UGGT2: variants seen among roughly 807,000 people sequenced by gnomAD.
The protein encoded by UGGT2 is UDP-glucose glycoprotein glucosyltransferase 2.
Under a neutral mutation model 192.1 loss-of-function variants are expected in UGGT2, and 180 were observed. That is an observed-to-expected ratio of 0.94 (90% confidence interval 0.83 to 1.06). UGGT2 has a LOEUF of 1.06. Ranked by LOEUF, UGGT2 falls within the 50% of genes least tolerant of loss-of-function variation. The pLI is 0.00. For missense variants in UGGT2, 1,849 were observed against 1,795.7 expected (o/e 1.03, Z -0.54); for synonymous variants, 580 against 591.0 (o/e 0.98, Z 0.27).
chr13:95,995,621 T>C (rs2051593709), intron 7 of UGGT2, among the ~76,000 whole-genome samples: 1 of 151,806 alleles, frequency 6.6e-6, no homozygotes, highest in Non-Finnish European at 1.5e-5. Context: ...AAAAAAAAAA[T>C]TAAATGAAAA....
In UGGT2 at chr13:95,877,346, CT is replaced by C; in HGVS notation, c.3405del (p.Ala1136GlnfsTer8). 1 of 1,604,766 alleles carries C rather than the reference CT, an allele frequency of 6.2e-7. No individual in the cohort carries two copies. The highest frequency in any genetic ancestry group is 8.5e-7 in the Non-Finnish European group (1 of 1,177,014). On this transcript the variant is annotated frameshift_variant, in exon 29 of 39. Transcript: ENST00000376747. LOFTEE classifies it high-confidence loss of function. ...VMAHHGYFQLKANPGAWILRL... is the reference protein window; with the variant it reads ...VMAHHGYFQLXANPGAWILRL... ...CTCAGTATCCAAGCACCTGGGTTTG[CT>C]TTTAATTGAAAATACCCCTTTTAAG... is the stretch of plus-strand genomic sequence containing the variant.
At chr13:95,833,761 G>A (rs1331269346) in intron 37 of UGGT2, among the ~76,000 whole-genome samples, 1 of 152,154 alleles carries the variant, frequency 6.6e-6, no homozygotes, top group Admixed American at 6.5e-5. Flanking sequence ...AAAGCCACCA[G>A]TACCTTTGGC....
intron 4 of UGGT2, among the ~76,000 whole-genome samples, chr13:96,015,335 A>G (rs1422516416): frequency 6.6e-6 from 1 of 151,924 alleles, no homozygotes; most frequent in South Asian, 2.1e-4. Context: ...ATGCTAGGAG[A>G]TAAATATTGA....
intron 22 of UGGT2, 104 bp downstream of exon 22, chr13:95,900,703 C>T: frequency 7.8e-7 from 1 of 1,283,254 alleles, no homozygotes; most frequent in South Asian, 1.9e-5. Flanking sequence ...TGAACACCGT[C>T]CTCTGTGTGT....
chr13:95,956,798 C>G (rs553088366), intron 12 of UGGT2, among the ~76,000 whole-genome samples: 140 of 152,266 alleles, frequency 9.2e-4, no homozygotes, highest in African/African-American at 3.2e-3. Context: ...CACAGAAATA[C>G]CATATGATTC....
chr13:95,941,989 G>T (rs2049696491), intron 15 of UGGT2, among the ~76,000 whole-genome samples: 1 of 152,080 alleles, frequency 6.6e-6, no homozygotes, highest in Non-Finnish European at 1.5e-5. Flanking sequence ...GTTTGCTTCT[G>T]AGCTTTAAGA....
chr13:95,930,747 C>A (rs1256234305), intron 17 of UGGT2, among the ~76,000 whole-genome samples: 1 of 152,024 alleles, frequency 6.6e-6, no homozygotes, highest in East Asian at 1.9e-4. Context: ...AAGCTGTGGA[C>A]CCTCGCGGTG....
At chr13:96,050,094 A>G in intron 1 of UGGT2, among the ~76,000 whole-genome samples, 1 of 152,252 alleles carries the variant, frequency 6.6e-6, no homozygotes, top group South Asian at 2.1e-4. Context: ...ATAAGGCTAC[A>G]GTAACCAAAA....
At chr13:95,845,005 A>C (rs1227871119) in intron 36 of UGGT2, among the ~76,000 whole-genome samples, 3 of 152,162 alleles carry the variant, frequency 2.0e-5, no homozygotes, top group African/African-American at 7.2e-5. Flanking sequence ...AGGAAAGGAT[A>C]CTGGAGTATA....
chr13:95,807,376 A>T (rs1387484623), intron 38 of UGGT2, among the ~76,000 whole-genome samples: 1 of 152,132 alleles, frequency 6.6e-6, no homozygotes, highest in Admixed American at 6.5e-5. Context: ...AGGCACACTC[A>T]GTGTAACTTC....
chr13:95,809,087 T>C (rs1884457781), intron 38 of UGGT2, among the ~76,000 whole-genome samples: 1 of 152,182 alleles, frequency 6.6e-6, no homozygotes, highest in Admixed American at 6.5e-5. Flanking sequence ...TCTCACACTA[T>C]TTTCTGGTTG....
intron 12 of UGGT2, among the ~76,000 whole-genome samples, chr13:95,959,337 C>A (rs1186054776): frequency 5.9e-5 from 9 of 152,172 alleles, no homozygotes; most frequent in Non-Finnish European, 1.3e-4. Flanking sequence ...AGTGACTTCA[C>A]CCTCTCCAGT....
chr13:95,952,634 T>C (rs888514629), intron 12 of UGGT2, among the ~76,000 whole-genome samples: 1 of 152,180 alleles, frequency 6.6e-6, no homozygotes, highest in Non-Finnish European at 1.5e-5. Context: ...GGAAGGCCAA[T>C]GATATTTTGC....
chr13:95,952,218 A>T (rs2050086957), intron 12 of UGGT2, among the ~76,000 whole-genome samples: 1 of 152,044 alleles, frequency 6.6e-6, no homozygotes. Context: ...AAAAAAGAAG[A>T]AAAAAAGAAA....
At chr13:95,945,541 T>C (rs1335164263) in intron 15 of UGGT2, among the ~76,000 whole-genome samples, 1 of 152,136 alleles carries the variant, frequency 6.6e-6, no homozygotes, top group Non-Finnish European at 1.5e-5. Context: ...CCATCACATG[T>C]AAATTAATGT....
At chr13:96,043,516 T>C (rs1466107761) in intron 1 of UGGT2, among the ~76,000 whole-genome samples, 2 of 152,104 alleles carry the variant, frequency 1.3e-5, no homozygotes, top group East Asian at 3.8e-4. Context: ...GTACCTCACA[T>C]CTCAATACTA....
intron 1 of UGGT2, among the ~76,000 whole-genome samples, chr13:96,040,387 G>A (rs546058802): frequency 2.6e-5 from 4 of 152,076 alleles, no homozygotes; most frequent in African/African-American, 7.2e-5. Flanking sequence ...TCTCCTTTTT[G>A]CCTGTGTCTT....
At chr13:96,036,085 T>A (rs2052992604) in intron 1 of UGGT2, among the ~76,000 whole-genome samples, 1 of 152,164 alleles carries the variant, frequency 6.6e-6, no homozygotes, top group Admixed American at 6.5e-5. Flanking sequence ...TAAATCATAT[T>A]ATGAATATAC....
intron 38 of UGGT2, among the ~76,000 whole-genome samples, chr13:95,823,576 T>C: frequency 6.6e-6 from 1 of 152,086 alleles, no homozygotes; most frequent in Non-Finnish European, 1.5e-5. Context: ...TAAGAATAGC[T>C]ACGCCTGCTT....
Sources: allele counts gnomAD v4.1 joint callset (sites outside exome capture counted in the v4.1 genomes callset), GRCh38; gene constraint gnomAD v4.1.1; transcripts MANE v1.5; gene names NCBI Gene and HGNC (gene_info 2026-07-23, HGNC 2026-07-21).